SELENOV: variants seen among roughly 807,000 people sequenced by gnomAD.
SELENOV encodes selenoprotein V.
SELENOV carries 25 observed loss-of-function variants against 21.6 expected under a neutral mutation model. The ratio of observed to expected loss-of-function variants is 1.16; its 90% CI spans 0.84 to 1.62. The LOEUF is 1.62. SELENOV is among the 40% of genes most tolerant of loss of function. SELENOV has a pLI of 0.00. For synonymous variants in SELENOV, 227 were observed against 216.9 expected (o/e 1.05, Z -0.41); for missense variants, 472 against 459.0 (o/e 1.03, Z -0.26).
In SELENOV at chr19:39,515,625, T is replaced by C. The variant is rs878953604; in HGVS notation, c.413T>C (p.Leu138Pro). ...CTCCTGGCAGGGATTCGGGCCGCGC[T>C]CCCCGTCTTGGACTCCTACCTGGCC... The change falls in exon 1 of 6, where the codon CTC (leucine) becomes CCC (proline). Residue 138 changes from leucine to proline, a missense_variant. Transcript: ENST00000335426. The surrounding 1 kb of genome is among the most constrained non-coding windows in gnomAD (Gnocchi z 5.1). 3.2e-6 allele frequency: 5 copies of C among 1,548,024 alleles called. No homozygotes were observed. In the South Asian group the frequency reaches 5.9e-5, roughly 18 times the overall value.
Position 39,515,385 on chromosome 19 carries a change from C to T in SELENOV, c.173C>T (p.Ser58Phe), listed in dbSNP as rs898413439. ...CTGACTCCGTCTCCAGCCGGGACTT[C>T]CCCTCTGGTCCTGACTCCTGCTCCA... The change falls in exon 1 of 6, where the codon TCC (serine) becomes TTC (phenylalanine). Residue 58 changes from serine (S) to phenylalanine (F), a missense_variant. By Grantham distance (155) the Ser-to-Phe change is radical. Transcript: ENST00000335426. This position sits in a 1 kb window ranked among gnomAD's most constrained non-coding sequence, Gnocchi z 5.1. 1 of 1,551,596 alleles carries T rather than the reference C, an allele frequency of 6.4e-7. No individual in the cohort carries two copies. Among genetic ancestry groups the T allele is most frequent in the African/African-American group, 1.4e-5 (1 of 73,126 alleles).
exon 6 of SELENOV, chr19:39,520,497 C>G (rs2079722861): frequency 6.6e-6 from 1 of 152,180 alleles, no homozygotes; most frequent in Admixed American, 6.5e-5. Flanking sequence ...GAAAACCTTC[C>G]ATCTTATTGG....
In SELENOV at chr19:39,519,060, T is replaced by G. The variant is rs1254150870; in HGVS notation, c.964-11T>G. 6.2e-7 allele frequency: 1 copy of G among 1,613,680 alleles called. No individual in the cohort carries two copies. The highest frequency in any genetic ancestry group is 1.3e-5 in the African/African-American group (1 of 74,944). On this transcript the variant is annotated splice_polypyrimidine_tract_variant and intron_variant, in intron 4 of 5. Transcript: ENST00000335426. Reference sequence around the variant, plus strand: ...TGGGAGACCTGTGTGCTTTCTTCCCTCTGTGCCCAGAGGGGTGATGGCTTT... The same window carrying G: ...TGGGAGACCTGTGTGCTTTCTTCCCGCTGTGCCCAGAGGGGTGATGGCTTT...
chr19:39,518,695 G>C, intron 2 of SELENOV, 45 bp from the exon 3 acceptor site: 3 of 1,613,188 alleles, frequency 1.9e-6, no homozygotes, highest in Non-Finnish European at 2.5e-6. Flanking sequence ...AGGAGTCCCT[G>C]TTTCCCCTCC....
chr19:39,516,190 T>C (rs2079696344), intron 1 of SELENOV, 169 bp downstream of exon 1: 1 of 710,328 alleles, frequency 1.4e-6, no homozygotes, highest in Non-Finnish European at 2.5e-6. Context: ...TCTCTCATTC[T>C]CTTTGGGGCA....
At chr19:39,520,519 G>A (rs1400649070) in exon 6 of SELENOV, 1 of 152,190 alleles carries the variant, frequency 6.6e-6, no homozygotes, top group African/African-American at 2.4e-5. Context: ...ATTTTCTGGG[G>A]TTGTGAGGGA....
Position 39,515,241 on chromosome 19 carries a change from C to A in SELENOV, c.29C>A (p.Pro10His). 1 of 1,550,236 alleles carries A rather than the reference C, an allele frequency of 6.5e-7. No homozygotes were observed. Among genetic ancestry groups the A allele is most frequent in the Non-Finnish European group, 8.7e-7 (1 of 1,146,758 alleles). Reference sequence around the variant, plus strand: ...AATAACCAGGCGCGGACCCCAGCCCCCTCCTCGGCGCGGACTTCAACCTCA... The same window carrying A: ...AATAACCAGGCGCGGACCCCAGCCCACTCCTCGGCGCGGACTTCAACCTCA... The change falls in exon 1 of 6, where the codon CCC becomes CAC. Residue 10 changes from proline to histidine, a missense_variant. Physicochemically the swap from Pro to His is moderately conservative, Grantham distance 77. Transcript: ENST00000335426. This position sits in a 1 kb window ranked among gnomAD's most constrained non-coding sequence, Gnocchi z 5.1.
intron 1 of SELENOV, among the ~76,000 whole-genome samples, chr19:39,518,249 C>G (rs562138840): frequency 7.0e-6 from 1 of 141,932 alleles, no homozygotes; most frequent in Non-Finnish European, 1.5e-5. Flanking sequence ...CCAGCCTGGG[C>G]AACAGAGCGA....
intron 1 of SELENOV, among the ~76,000 whole-genome samples, chr19:39,517,991 A>AAAAAAG (rs374863818): frequency 1.1e-5 from 1 of 92,012 alleles, no homozygotes; most frequent in African/African-American, 4.0e-5. Flanking sequence ...AAAAAAAAAA[A>AAAAAAG]GCCCAGCGCG....
exon 4 of SELENOV, chr19:39,518,919 C>G: frequency 8.7e-6 from 14 of 1,613,854 alleles, no homozygotes; most frequent in Non-Finnish European, 1.1e-5. Context: ...GACAGAGCTG[C>G]CCAGGCTACA....
Position 39,515,930 on chromosome 19 carries a change from G to T in SELENOV, c.718G>T (p.Ala240Ser). The change falls in exon 1 of 6, where the codon GCC becomes TCC. Residue 240 changes from alanine (A) to serine (S), a missense_variant. Ala to Ser is a moderately conservative substitution (Grantham distance 99). Transcript: ENST00000335426. This position sits in a 1 kb window ranked among gnomAD's most constrained non-coding sequence, Gnocchi z 5.1. ...GCCCATCCTGGGGACCATCCCGTCG[G>T]CCATCTCCTTACAGAATTGTACGGA... The T allele has an allele frequency of 6.2e-7, 1 of 1,605,300 alleles. No individual in the cohort carries two copies. The highest frequency in any genetic ancestry group is 8.5e-7 in the Non-Finnish European group (1 of 1,176,498).
chr19:39,517,630 T>G (rs1213435205), intron 1 of SELENOV, among the ~76,000 whole-genome samples: 1 of 151,960 alleles, frequency 6.6e-6, no homozygotes, highest in Non-Finnish European at 1.5e-5. Context: ...CTGAGGGAAC[T>G]GCCAGTGCAA....
chr19:39,518,131 C>T (rs550543645), intron 1 of SELENOV, among the ~76,000 whole-genome samples: 13 of 151,338 alleles, frequency 8.6e-5, no homozygotes, highest in African/African-American at 1.2e-4. Flanking sequence ...ATTACCCGGG[C>T]GTGGTGGTGG....
chr19:39,520,583 C>T (rs2079723258), exon 6 of SELENOV: 2 of 152,112 alleles, frequency 1.3e-5, no homozygotes, highest in African/African-American at 4.8e-5. Flanking sequence ...CGATTATGCT[C>T]CAGGGCCCAC....
At chr19:39,519,082 C>T (rs1308097251) in exon 5 of SELENOV, 2 of 1,613,732 alleles carry the variant, frequency 1.2e-6, no homozygotes, top group African/African-American at 1.3e-5. Context: ...GGGGTGATGG[C>T]TTTGTGAACG....
chr19:39,520,007 G>C, intron 5 of SELENOV, 139 bp from the exon 6 acceptor site: 2 of 151,320 alleles, frequency 1.3e-5, no homozygotes, highest in Admixed American at 6.6e-5. Flanking sequence ...AAATAGTGAG[G>C]AAACTAGAAT....
At position 39,515,626 on chromosome 19, in the gene SELENOV, C is replaced by A; in HGVS notation, c.414C>A (p.Leu138=). 2 of 1,548,374 alleles carry A rather than the reference C, an allele frequency of 1.3e-6. No individual in the cohort carries two copies. Among genetic ancestry groups the A allele is most frequent in the African/African-American group, 1.4e-5 (1 of 73,176 alleles). Residue 138 remains leucine, a synonymous_variant, in exon 1 of 6, where the codon CTC becomes CTA. Coordinates refer to ENST00000335426, the Ensembl canonical transcript of SELENOV. This position sits in a 1 kb window ranked among gnomAD's most constrained non-coding sequence, Gnocchi z 5.1. Reference sequence around the variant, plus strand: ...TCCTGGCAGGGATTCGGGCCGCGCTCCCCGTCTTGGACTCCTACCTGGCCC... The same window carrying A: ...TCCTGGCAGGGATTCGGGCCGCGCTACCCGTCTTGGACTCCTACCTGGCCC...
At chr19:39,517,553 G>T (rs568875171) in intron 1 of SELENOV, among the ~76,000 whole-genome samples, 2 of 152,294 alleles carry the variant, frequency 1.3e-5, no homozygotes, top group East Asian at 1.9e-4. Context: ...TGAGAAGGGG[G>T]TATATGAGCG....
At chr19:39,518,021 C>T (rs1357798287) in intron 1 of SELENOV, among the ~76,000 whole-genome samples, 1 of 138,306 alleles carries the variant, frequency 7.2e-6, no homozygotes, top group Non-Finnish European at 1.5e-5. Context: ...GCCTGTAATT[C>T]CAGCACTTTG....
Sources: allele counts gnomAD v4.1 joint callset (sites outside exome capture counted in the v4.1 genomes callset), GRCh38; gene constraint gnomAD v4.1.1; non-coding constraint Gnocchi (gnomAD v3.1); transcripts MANE v1.5; gene names NCBI Gene and HGNC (gene_info 2026-07-23, HGNC 2026-07-21).